The following CAPN5 variants were observed in gnomAD, a reference collection of about 807,000 sequenced individuals.
The protein encoded by CAPN5 is calpain 5, also known as calpain-5.
Under a neutral mutation model 73.0 loss-of-function variants are expected in CAPN5, and 54 were observed. The ratio of observed to expected loss-of-function variants is 0.74; its 90% CI spans 0.59 to 0.93. The LOEUF is 0.93. CAPN5 is among the 40% of genes least tolerant of loss of function. The pLI is 0.00. For synonymous variants in CAPN5, 335 were observed against 356.9 expected, an observed-to-expected ratio of 0.94 and a Z score of 0.69; for missense variants, 785 against 882.9, an observed-to-expected ratio of 0.89 and a Z score of 1.41.
In CAPN5 at chr11:77,118,341, C is replaced by T. The variant is rs782517466; in HGVS notation, c.1156C>T (p.Gln386Ter). ...CATCAACCACAAGGACACCTTCTTC[C>T]AGAACCCACAGGTGGGCGTTCTCAG... ...GCINHKDTFF[Q>*]NPQYIFEVKK... The change falls in exon 8 of 13, where the codon CAG (glutamine) becomes TAG (stop). Residue 386 changes from glutamine (Q) to a stop codon, truncating the protein, a stop_gained. Coordinates refer to ENST00000648180, the MANE Select transcript of CAPN5 (RefSeq NM_004055.5). LOFTEE classifies it high-confidence loss of function. The T allele has an allele frequency of 6.3e-7, 1 of 1,585,558 alleles. No individual in the cohort carries two copies. The highest frequency in any genetic ancestry group is 1.1e-5 in the South Asian group (1 of 87,780).
At chr11:77,091,608 T>C (rs1157498572) in intron 2 of CAPN5, among the ~76,000 whole-genome samples, 2 of 152,158 alleles carry the variant, frequency 1.3e-5, no homozygotes, top group African/African-American at 4.8e-5. Flanking sequence ...CCCTCCACCA[T>C]ACCCACAGCC....
At chr11:77,073,092 T>C (rs1949928539) in intron 1 of CAPN5, 2 of 1,289,684 alleles carry the variant, frequency 1.6e-6, no homozygotes, top group Non-Finnish European at 1.0e-6. Flanking sequence ...CTACCTGCTG[T>C]CAGCACTTTC....
intron 9 of CAPN5, 90 bp from the exon 10 acceptor site, chr11:77,120,623 T>C: frequency 1.3e-6 from 1 of 782,000 alleles, no homozygotes; most frequent in Non-Finnish European, 2.1e-6. Context: ...GATTCCATCG[T>C]CCCTTCCATG....
At chr11:77,102,866 G>A (rs782820906) in intron 3 of CAPN5, 19 of 1,605,002 alleles carry the variant, frequency 1.2e-5, no homozygotes, top group Admixed American at 5.0e-5. Flanking sequence ...CGCAGCAGCC[G>A]CAGCTGGACA....
chr11:77,101,139 A>ATTCATTCATTCGATCATTCG (rs1950279633), intron 3 of CAPN5, among the ~76,000 whole-genome samples: 1 of 152,214 alleles, frequency 6.6e-6, no homozygotes, highest in African/African-American at 2.4e-5. Context: ...CCGTTCATTC[A>ATTCATTCATTCGATCATTCG]TTCATTCATT....
intron 5 of CAPN5, among the ~76,000 whole-genome samples, chr11:77,115,170 G>A (rs1482841386): frequency 6.6e-6 from 1 of 152,154 alleles, no homozygotes; most frequent in African/African-American, 2.4e-5. Context: ...GCCAGTGCAC[G>A]TGGGCCCCAG....
chr11:77,067,955 G>T (rs1338332686), intron 1 of CAPN5, among the ~76,000 whole-genome samples: 1 of 151,990 alleles, frequency 6.6e-6, no homozygotes, highest in Non-Finnish European at 1.5e-5. Flanking sequence ...ACCCGGGTCC[G>T]CCTGGCTCTC....
At chr11:77,071,687 G>A (rs1555033105) in intron 1 of CAPN5, 1 of 447,838 alleles carries the variant, frequency 2.2e-6, no homozygotes, top group Non-Finnish European at 4.6e-6. Flanking sequence ...GGACGGGTAT[G>A]TGGACAGGAT....
intron 1 of CAPN5, among the ~76,000 whole-genome samples, chr11:77,082,693 C>T (rs536192625): frequency 1.3e-5 from 2 of 152,286 alleles, no homozygotes; most frequent in African/African-American, 4.8e-5. Context: ...CTGGCCCAGC[C>T]GAGCTCTCCC....
At chr11:77,093,857 C>G in intron 3 of CAPN5, 44 bp downstream of exon 3, 1 of 1,594,466 alleles carries the variant, frequency 6.3e-7, no homozygotes, top group Non-Finnish European at 8.5e-7. Flanking sequence ...GGAGTGTGAA[C>G]GCAGCCTGTG....
At chr11:77,093,949 C>G (rs929308593) in intron 3 of CAPN5, 136 bp downstream of exon 3, 1 of 1,225,370 alleles carries the variant, frequency 8.2e-7, no homozygotes, top group Non-Finnish European at 1.1e-6. Flanking sequence ...GTGGGGGCCC[C>G]CAGTACTGGC....
intron 2 of CAPN5, 37 bp downstream of exon 2, chr11:77,085,088 G>A (rs368277867): frequency 2.1e-4 from 335 of 1,588,570 alleles, no homozygotes; most frequent in Non-Finnish European, 2.7e-4. Context: ...GGGTGAGCGG[G>A]CCCAGGCCCA....
chr11:77,103,352 TCTC>T (rs1555039342), intron 3 of CAPN5: 1 of 1,596,958 alleles, frequency 6.3e-7, no homozygotes, highest in Admixed American at 1.7e-5. Flanking sequence ...CAGCTGCTGC[TCTC>T]CTCTAGCCCA....
chr11:77,103,471 C>T (rs1379942221), intron 3 of CAPN5: 1 of 955,862 alleles, frequency 1.0e-6, no homozygotes, highest in Non-Finnish European at 1.6e-6. Flanking sequence ...CTGAGTCCCA[C>T]ACCTTTCCTC....
At chr11:77,079,173 T>TTA (rs1950003792) in intron 1 of CAPN5, among the ~76,000 whole-genome samples, 1 of 143,238 alleles carries the variant, frequency 7.0e-6, no homozygotes, top group African/African-American at 2.9e-5. Context: ...TATTATTATT[T>TTA]TTCCCTAGAG....
At chr11:77,087,133 G>C (rs1950095875) in intron 2 of CAPN5, among the ~76,000 whole-genome samples, 1 of 152,240 alleles carries the variant, frequency 6.6e-6, no homozygotes, top group African/African-American at 2.4e-5. Context: ...GACCAGGCTG[G>C]GGTGGATGGT....
At chr11:77,116,998 G>A (rs1591146727) in intron 7 of CAPN5, among the ~76,000 whole-genome samples, 1 of 152,306 alleles carries the variant, frequency 6.6e-6, no homozygotes, top group South Asian at 2.1e-4. Context: ...AGCACTTTGG[G>A]AGGTCAAGGT....
chr11:77,093,695 A>AC lies in CAPN5; in HGVS notation c.184dup (p.Arg62ProfsTer77). On this transcript the variant is annotated frameshift_variant, in exon 3 of 13. Transcript: ENST00000648180. LOFTEE classifies it high-confidence loss of function. ...CCTTCTCCGCAGGGCATCTGCGAGG[A>AC]CCCCCGCCTCTTTGTGGATGGCATC... is the stretch of plus-strand genomic sequence containing the variant. The AC allele has an allele frequency of 6.3e-7, 1 of 1,592,130 alleles. No homozygotes were observed. The highest frequency in any genetic ancestry group is 8.5e-7 in the Non-Finnish European group (1 of 1,173,300).
In CAPN5 at chr11:77,115,458, G is replaced by A. The variant is rs782335833; in HGVS notation, c.763G>A (p.Ala255Thr). ...ACGLVKGHAY[A>T]VTDVRKVRLG... ...CGGCCTGGTAAAGGGCCACGCATACGCCGTCACTGATGTGCGCAAGGTGCG... is the reference window on the plus strand; with the variant it reads ...CGGCCTGGTAAAGGGCCACGCATACACCGTCACTGATGTGCGCAAGGTGCG... The change falls in exon 6 of 13, where the codon GCC becomes ACC. Residue 255 changes from alanine (A) to threonine (T), a missense_variant. Physicochemically the swap from Ala to Thr is moderately conservative, Grantham distance 58 (BLOSUM62 0). Coordinates refer to ENST00000648180, the MANE Select transcript of CAPN5 (RefSeq NM_004055.5). The A allele has an allele frequency of 8.0e-5, 129 of 1,612,888 alleles. No individual in the cohort carries two copies. Among genetic ancestry groups the A allele is most frequent in the Non-Finnish European group, 1.0e-4 (119 of 1,179,836 alleles).
Sources: gnomAD v4.1 joint callset for allele counts (sites outside exome capture counted in the v4.1 genomes callset) on GRCh38, gnomAD v4.1.1 for gene constraint, MANE v1.5 for transcripts, NCBI Gene and HGNC (gene_info 2026-07-23, HGNC 2026-07-21) for gene names.